UMAD1: variants seen among roughly 807,000 people sequenced by gnomAD.
UMAD1 encodes the protein UBAP1-MVB12-associated (UMA) domain containing 1, also known as UBAP1-MVB12-associated (UMA)-domain containing protein 1.
UMAD1 carries 8 observed loss-of-function variants against 6.1 expected under a neutral mutation model. That is an observed-to-expected ratio of 1.30 (90% CI 0.76 to 2.35). The LOEUF (loss-of-function observed/expected upper bound fraction) is 2.35. Among genes scored for constraint, UMAD1 ranks in the 30% most tolerant of loss-of-function variants. UMAD1 has a pLI of 0.00. For synonymous variants in UMAD1, 56 were observed against 31.4 expected, an observed-to-expected ratio of 1.78 and a Z score of -2.61; for missense variants, 130 against 78.4, an observed-to-expected ratio of 1.66 and a Z score of -2.49.
intron 2 of UMAD1, among the ~76,000 whole-genome samples, chr7:7,700,232 T>G (rs1454959512): frequency 6.6e-6 from 1 of 152,142 alleles, no homozygotes; most frequent in African/African-American, 2.4e-5. Context: ...TTCTCCCTGC[T>G]CCCCACATGT....
At chr7:7,655,504 T>G (rs1583698372) in intron 1 of UMAD1, among the ~76,000 whole-genome samples, 1 of 152,208 alleles carries the variant, frequency 6.6e-6, no homozygotes, top group East Asian at 1.9e-4. Flanking sequence ...CTCCCTGGCT[T>G]GATGCTCTAT....
intron 2 of UMAD1, among the ~76,000 whole-genome samples, chr7:7,766,797 T>G (rs1220767425): frequency 6.6e-6 from 1 of 152,224 alleles, no homozygotes; most frequent in Non-Finnish European, 1.5e-5. Flanking sequence ...CAATTCATTT[T>G]AAACCATATT....
intron 3 of UMAD1, among the ~76,000 whole-genome samples, chr7:7,853,670 C>A (rs910103093): frequency 2.0e-5 from 3 of 152,038 alleles, no homozygotes; most frequent in African/African-American, 7.2e-5. Context: ...ACTCTGCAAC[C>A]TGCTGAACTT....
intron 3 of UMAD1, among the ~76,000 whole-genome samples, chr7:7,860,090 A>G (rs940227481): frequency 2.0e-5 from 3 of 152,222 alleles, no homozygotes; most frequent in African/African-American, 4.8e-5. Flanking sequence ...TTGTACCCTT[A>G]TAATAACCAC....
At chr7:7,736,120 C>T (rs182374137) in intron 2 of UMAD1, 27 of 152,382 alleles carry the variant, frequency 1.8e-4, no homozygotes, top group African/African-American at 6.3e-4. Flanking sequence ...AACACATTCT[C>T]TTGGGACAAA....
chr7:7,742,392 G>T (rs777152587), intron 2 of UMAD1: 1 of 585,230 alleles, frequency 1.7e-6, no homozygotes. Context: ...CTCCGGAGTC[G>T]CAGTGTCTTG....
intron 3 of UMAD1, among the ~76,000 whole-genome samples, chr7:7,825,067 C>G (rs757009854): frequency 6.6e-6 from 1 of 152,064 alleles, no homozygotes; most frequent in Non-Finnish European, 1.5e-5. Flanking sequence ...GTTTGTAGCT[C>G]TCCTTTCAGT....
At chr7:7,676,703 T>A (rs879280964) in intron 2 of UMAD1, among the ~76,000 whole-genome samples, 3 of 152,166 alleles carry the variant, frequency 2.0e-5, no homozygotes, top group East Asian at 1.9e-4. Context: ...TAAATGTTTT[T>A]AAAATATTTT....
chr7:7,846,041 G>C (rs758131237), intron 3 of UMAD1, among the ~76,000 whole-genome samples: 1 of 152,116 alleles, frequency 6.6e-6, no homozygotes. Context: ...CTCAATCATA[G>C]TAAAGTAATC....
intron 2 of UMAD1, among the ~76,000 whole-genome samples, chr7:7,756,678 G>A (rs970173158): frequency 6.6e-6 from 1 of 152,166 alleles, no homozygotes; most frequent in Non-Finnish European, 1.5e-5. Flanking sequence ...TAATTTTAGC[G>A]TTAAGTTTCT....
intron 3 of UMAD1, among the ~76,000 whole-genome samples, chr7:7,805,897 C>T (rs1369114733): frequency 2.7e-5 from 4 of 150,508 alleles, no homozygotes; most frequent in Admixed American, 2.7e-4. Flanking sequence ...ATCACTATGT[C>T]GGATTATTCA....
At chr7:7,789,969 C>G (rs374889982) in intron 2 of UMAD1, among the ~76,000 whole-genome samples, 1 of 152,104 alleles carries the variant, frequency 6.6e-6, no homozygotes, top group Non-Finnish European at 1.5e-5. Flanking sequence ...GGAACATTTA[C>G]TTAGTGAGCC....
At chr7:7,872,276 C>A (rs1392988813) in intron 3 of UMAD1, among the ~76,000 whole-genome samples, 1 of 152,094 alleles carries the variant, frequency 6.6e-6, no homozygotes, top group Non-Finnish European at 1.5e-5. Context: ...TATGCTTACA[C>A]TATATTGTCA....
At chr7:7,767,810 T>C (rs1782019484) in intron 2 of UMAD1, among the ~76,000 whole-genome samples, 1 of 152,212 alleles carries the variant, frequency 6.6e-6, no homozygotes, top group Admixed American at 6.5e-5. Flanking sequence ...ACAAAGCTAG[T>C]GAGAGGCAAG....
chr7:7,746,141 G>A (rs1306894327), intron 2 of UMAD1, among the ~76,000 whole-genome samples: 1 of 152,148 alleles, frequency 6.6e-6, no homozygotes, highest in East Asian at 1.9e-4. Context: ...AGTTGCTCTC[G>A]TGGTTTGCAT....
chr7:7,750,187 T>G (rs1292429470), intron 2 of UMAD1, among the ~76,000 whole-genome samples: 1 of 152,158 alleles, frequency 6.6e-6, no homozygotes, highest in Non-Finnish European at 1.5e-5. Flanking sequence ...TAATTTTAAC[T>G]AATATCTTAA....
At chr7:7,735,381 G>T (rs973563869) in intron 2 of UMAD1, among the ~76,000 whole-genome samples, 1 of 151,168 alleles carries the variant, frequency 6.6e-6, no homozygotes, top group South Asian at 2.1e-4. Context: ...ACATTTCTTG[G>T]AAAACCACTG....
intron 1 of UMAD1, among the ~76,000 whole-genome samples, chr7:7,670,357 A>G (rs556769670): frequency 4.7e-4 from 72 of 152,208 alleles, no homozygotes; most frequent in Admixed American, 1.7e-3. Context: ...GTCTCTCTAT[A>G]TATACAAAAG....
intron 2 of UMAD1, among the ~76,000 whole-genome samples, chr7:7,773,291 G>C (rs1005290387): frequency 4.6e-5 from 7 of 152,112 alleles, no homozygotes; most frequent in Non-Finnish European, 1.0e-4. Context: ...AAAACTGTTA[G>C]GGTATTAGCT....
Sources: gnomAD v4.1 joint callset for allele counts (sites outside exome capture counted in the v4.1 genomes callset) on GRCh38, gnomAD v4.1.1 for gene constraint, MANE v1.5 for transcripts, NCBI Gene and HGNC (gene_info 2026-07-23, HGNC 2026-07-21) for gene names.